RBFOX2: variants seen among roughly 807,000 people sequenced by gnomAD.
RBFOX2 encodes the protein RNA binding fox-1 homolog 2.
In RBFOX2, 10 loss-of-function variants were observed where a neutral mutation model predicts 49.1. That is an observed-to-expected ratio of 0.20 (90% CI 0.13 to 0.35). RBFOX2 has a LOEUF of 0.35. Among genes scored for constraint, RBFOX2 ranks in the 10% least tolerant of loss-of-function variants. The pLI is 1.00. For synonymous variants in RBFOX2, 183 were observed against 187.4 expected, an observed-to-expected ratio of 0.98 and a Z score of 0.19; for missense variants, 323 against 486.9, an observed-to-expected ratio of 0.66 and a Z score of 3.17.
intron 1 of RBFOX2, among the ~76,000 whole-genome samples, chr22:35,864,316 GT>G (rs2149116003): frequency 6.6e-6 from 1 of 152,204 alleles, no homozygotes; most frequent in Non-Finnish European, 1.5e-5. Context: ...ACCTACCAGG[GT>G]TTTTTCCCCA....
intron 1 of RBFOX2, among the ~76,000 whole-genome samples, chr22:35,933,502 G>A (rs1291112161): frequency 6.6e-6 from 1 of 152,054 alleles, no homozygotes; most frequent in Non-Finnish European, 1.5e-5. Context: ...ACTTGGTTAG[G>A]CCACCCCAAT....
chr22:35,934,212 C>G (rs904670548), intron 1 of RBFOX2, among the ~76,000 whole-genome samples: 4 of 150,866 alleles, frequency 2.7e-5, no homozygotes, highest in African/African-American at 7.3e-5. Flanking sequence ...TCTGGGAGCA[C>G]AGTTTATGCA....
chr22:36,002,162 G>A (rs1007456622), intron 1 of RBFOX2, among the ~76,000 whole-genome samples: 8 of 152,084 alleles, frequency 5.3e-5, no homozygotes, highest in African/African-American at 1.4e-4. Context: ...ATGAAAGTAC[G>A]GTAACATAAT....
In RBFOX2 at chr22:35,954,552, G is replaced by A. The variant is rs564992037; in HGVS notation, c.42+7011C>T. ...CACCCCTGCCCAGCTTTCTTACCAGGGCCAGGGTTAACTACCTAAAACACC... is the reference window on the plus strand; with the variant it reads ...CACCCCTGCCCAGCTTTCTTACCAGAGCCAGGGTTAACTACCTAAAACACC... On this transcript the variant is annotated intron_variant, in intron 1 of 5. Coordinates refer to the RBFOX2 transcript ENST00000408983. Among the ~76,000 whole-genome samples the A allele has an allele frequency of 5.9e-5, 9 of 152,204 alleles. No individual in the cohort carries two copies. In the East Asian group the frequency reaches 1.7e-3, roughly 29 times the overall value.
At position 35,759,847 on chromosome 22, in the gene RBFOX2, C is replaced by A. The variant is rs147099265; in HGVS notation, c.887+41G>T. ...ATGGTATTCTTTTTTGGTCCAACTG[C>A]TTATTTTAGAAACATACTGATTTTG... On this transcript the variant is annotated intron_variant, in intron 9 of 11. Coordinates refer to ENST00000405409, the Ensembl canonical transcript of RBFOX2. This position sits in a 1 kb window ranked among gnomAD's most constrained non-coding sequence, Gnocchi z 4.6. The A allele has an allele frequency of 1.2e-6, 2 of 1,607,208 alleles. No individual in the cohort carries two copies. Among genetic ancestry groups the A allele is most frequent in the East Asian group, 4.5e-5 (2 of 44,722 alleles).
chr22:35,994,694 C>T (rs2058116922), intron 1 of RBFOX2: 1 of 152,042 alleles, frequency 6.6e-6, no homozygotes, highest in Admixed American at 6.6e-5. Flanking sequence ...GCGTGAGGTA[C>T]CATGCCTAGC....
At chr22:35,804,196 C>T (rs908321425) in intron 2 of RBFOX2, among the ~76,000 whole-genome samples, 4 of 151,358 alleles carry the variant, frequency 2.6e-5, no homozygotes, top group Non-Finnish European at 5.9e-5. Context: ...GAGAATTGGT[C>T]GAACCTGGGA....
At chr22:36,028,140 A>C in intron 1 of RBFOX2, 100 bp downstream of exon 1, 2 of 1,312,748 alleles carry the variant, frequency 1.5e-6, no homozygotes, top group South Asian at 1.9e-5. Context: ...CCTCCAACCC[A>C]GGACTCCCGG....
At chr22:35,876,807 G>A (rs139002778) in intron 1 of RBFOX2, among the ~76,000 whole-genome samples, 10 of 151,822 alleles carry the variant, frequency 6.6e-5, no homozygotes, top group African/African-American at 2.2e-4. Context: ...TGGGGAAAAC[G>A]TTTGAGCACA....
upstream of RBFOX2, chr22:35,939,057 A>G: frequency 1.4e-6 from 1 of 721,808 alleles, no homozygotes; most frequent in Non-Finnish European, 2.5e-6. Flanking sequence ...TCTCCTCGTT[A>G]AGCCTCTACA....
At chr22:35,868,974 T>C (rs986339254) in intron 1 of RBFOX2, among the ~76,000 whole-genome samples, 1 of 152,204 alleles carries the variant, frequency 6.6e-6, no homozygotes, top group East Asian at 1.9e-4. Flanking sequence ...TTTGAATGTT[T>C]TCCTTTGGTT....
chr22:35,936,759 G>A (rs965504978), intron 1 of RBFOX2, among the ~76,000 whole-genome samples: 1 of 152,132 alleles, frequency 6.6e-6, no homozygotes, highest in African/African-American at 2.4e-5. Flanking sequence ...GAAAAAGTAG[G>A]TACAATCAAA....
chr22:36,011,576 G>A (rs903007140), intron 1 of RBFOX2, among the ~76,000 whole-genome samples: 4 of 152,112 alleles, frequency 2.6e-5, no homozygotes, highest in Admixed American at 1.3e-4. Context: ...TACTGTCAAT[G>A]GAGTTTTTAA....
Position 35,932,212 on chromosome 22 carries a change from T to C in RBFOX2, c.-34+6635A>G, listed in dbSNP as rs1292427980. Among the ~76,000 whole-genome samples the C allele has an allele frequency of 2.0e-5, 3 of 152,070 alleles. No individual in the cohort carries two copies. In the East Asian group the frequency reaches 5.8e-4, roughly 29 times the overall value. ...AGCCAAATGAGCACTACAGAAGATA[T>C]ATTTGCTGTTGTCCACAGCTCCCAA... On this transcript the variant is annotated intron_variant, in intron 1 of 13. Transcript: ENST00000359369.
chr22:35,916,930 T>C lies in RBFOX2; in HGVS notation c.-34+21917A>G, dbSNP rs556172606. On this transcript the variant is annotated intron_variant, in intron 1 of 13. Transcript: ENST00000359369. ...AGTGGATGGTATGTGCATATGTGCA[T>C]TAGCACAATACCTGATGCATAGCAA... Among the ~76,000 whole-genome samples, 6 of 151,288 alleles carry C rather than the reference T, an allele frequency of 4.0e-5. No homozygotes were observed. The East Asian group carries it at 1.2e-3, about 29-fold the overall frequency.
At position 35,888,173 on chromosome 22, in the gene RBFOX2, C is replaced by T. The variant is rs569775846; in HGVS notation, c.-34+50674G>A. 3.9e-5 allele frequency among the ~76,000 whole-genome samples: 6 copies of T among 152,278 alleles called. No homozygotes were observed. In the East Asian group the frequency reaches 1.2e-3, roughly 29 times the overall value. Reference sequence around the variant, plus strand: ...AGAAGATTGCTGGATAAAACTCACACAACTGACTCGCCACCACATACATCA... The same window carrying T: ...AGAAGATTGCTGGATAAAACTCACATAACTGACTCGCCACCACATACATCA... On this transcript the variant is annotated intron_variant, in intron 1 of 13. Transcript: ENST00000359369.
At chr22:36,014,501 G>A (rs998709991) in intron 1 of RBFOX2, among the ~76,000 whole-genome samples, 8 of 152,132 alleles carry the variant, frequency 5.3e-5, no homozygotes, top group African/African-American at 1.9e-4. Context: ...AATGCTGAAT[G>A]AGTCAAAATT....
chr22:35,950,757 C>T (rs532700663), intron 1 of RBFOX2, among the ~76,000 whole-genome samples: 3 of 152,152 alleles, frequency 2.0e-5, no homozygotes, highest in Non-Finnish European at 4.4e-5. Flanking sequence ...TTGAGGGAGA[C>T]GGCTCTTTGG....
intron 9 of RBFOX2, among the ~76,000 whole-genome samples, chr22:35,757,624 G>T (rs1293863938): frequency 2.6e-5 from 4 of 152,036 alleles, no homozygotes; most frequent in Non-Finnish European, 4.4e-5. Context: ...GTATTTACAG[G>T]ATAGCATGGT....
Sources: allele counts gnomAD v4.1 joint callset (sites outside exome capture counted in the v4.1 genomes callset), GRCh38; gene constraint gnomAD v4.1.1; non-coding constraint Gnocchi (gnomAD v3.1); transcripts MANE v1.5; gene names NCBI Gene and HGNC (gene_info 2026-07-23, HGNC 2026-07-21).